The following GAPVD1 variants were observed in gnomAD, a reference collection of about 807,000 sequenced individuals.
GAPVD1 encodes GTPase-activating protein and VPS9 domain-containing protein 1.
GAPVD1 carries 35 observed loss-of-function variants against 155.5 expected under a neutral mutation model. The ratio of observed to expected loss-of-function variants is 0.23; its 90% CI spans 0.17 to 0.30. GAPVD1 has a LOEUF of 0.30. Among genes scored for constraint, GAPVD1 ranks in the 10% least tolerant of loss-of-function variants. The probability of loss-of-function intolerance (pLI) is 1.00; values close to 1 mark genes in which losing one functional copy is unlikely to be tolerated. For synonymous variants in GAPVD1, 636 were observed against 619.7 expected, an observed-to-expected ratio of 1.03 and a Z score of -0.39; for missense variants, 1,429 against 1,775.7, an observed-to-expected ratio of 0.80 and a Z score of 3.51.
intron 6 of GAPVD1, 96 bp from the exon 7 acceptor site, chr9:125,307,317 A>T: frequency 5.0e-5 from 36 of 724,628 alleles, no homozygotes; most frequent in Non-Finnish European, 7.2e-5. Context: ...GATTTTTAAG[A>T]TGTTTAAATT....
chr9:125,355,082 A>G (rs1217822960), intron 24 of GAPVD1, among the ~76,000 whole-genome samples: 1 of 152,174 alleles, frequency 6.6e-6, no homozygotes, highest in Non-Finnish European at 1.5e-5. Flanking sequence ...TTGGATCTAT[A>G]CAAATTTTCT....
chr9:125,265,924 T>TAA (rs1294990326), intron 1 of GAPVD1, among the ~76,000 whole-genome samples: 2 of 72,684 alleles, frequency 2.8e-5, no homozygotes, highest in Non-Finnish European at 5.8e-5. Flanking sequence ...AAAAAATTTA[T>TAA]AAAAAAAAAA....
chr9:125,346,443 G>A (rs539898748), intron 19 of GAPVD1: 4 of 270,950 alleles, frequency 1.5e-5, no homozygotes, highest in African/African-American at 6.6e-5. Flanking sequence ...GCATAGAGAT[G>A]TCTGAATAAA....
At chr9:125,309,102 T>G (rs1842290293) in intron 8 of GAPVD1, 1 of 152,172 alleles carries the variant, frequency 6.6e-6, no homozygotes, top group Non-Finnish European at 1.5e-5. Context: ...AATTTATGCA[T>G]TTTGAAGAGA....
rs779103041 is a variant in GAPVD1 at position 125,321,521 on chromosome 9, G to A, written c.1691G>A (p.Arg564His). 30 of 1,613,576 alleles carry A rather than the reference G, an allele frequency of 1.9e-5. No homozygotes were observed. Among genetic ancestry groups the A allele is most frequent in the South Asian group, 7.7e-5 (7 of 91,072 alleles). ...CATGGTAAACCTGATAAAACCTTGC[G>A]CTTTTCCCTCTGCAGTGATAATCTG... Reference protein sequence around the residue: ...KLHGKPDKTLRFSLCSDNLEG... With the variant: ...KLHGKPDKTLHFSLCSDNLEG... The change falls in exon 10 of 28, where the codon CGC becomes CAC. Residue 564 changes from arginine to histidine, a missense_variant. Transcript: ENST00000297933.
At chr9:125,335,023 A>AT (rs989024083) in intron 15 of GAPVD1, 123 of 487,542 alleles carry the variant, frequency 2.5e-4, no homozygotes, top group Admixed American at 5.5e-4. Flanking sequence ...AAGTTCATTG[A>AT]TTTGGTTTCA....
chr9:125,318,866 T>C (rs1214211740), intron 9 of GAPVD1, among the ~76,000 whole-genome samples: 1 of 151,452 alleles, frequency 6.6e-6, no homozygotes, highest in Non-Finnish European at 1.5e-5. Flanking sequence ...CTGGGCAACT[T>C]GGCGAGACCC....
intron 1 of GAPVD1, chr9:125,263,417 C>G (rs563526360): frequency 1.9e-5 from 9 of 482,544 alleles, no homozygotes; most frequent in South Asian, 1.8e-4. Context: ...CCACTGCACT[C>G]CAGCCTGGCA....
chr9:125,283,302 A>G (rs1837107192), intron 2 of GAPVD1, among the ~76,000 whole-genome samples: 1 of 151,858 alleles, frequency 6.6e-6, no homozygotes, highest in Non-Finnish European at 1.5e-5. Flanking sequence ...CAGATGATCC[A>G]TCCACCTCGG....
rs1459713098 is a variant in GAPVD1, at chr9:125,363,021, A to G, written c.*275A>G. On this transcript the variant is annotated 3_prime_UTR_variant, in exon 28 of 28. Transcript: ENST00000297933. The stretch of plus-strand genomic sequence containing the variant: ...GGACCACATTTTTCAAGTATTTCTA[A>G]GTATAAAAAACAAAACAAAAATCTC... 5.2e-6 allele frequency: 1 copy of G among 192,326 alleles called. No homozygotes were observed. Among genetic ancestry groups the G allele is most frequent in the Non-Finnish European group, 1.1e-5 (1 of 94,464 alleles). 11.9% of individuals were successfully genotyped at this position (192,326 alleles called of 1,614,324 possible).
rs1588461342 is a variant in GAPVD1, at chr9:125,263,674, C to T, written c.-199+1715C>T. ...CCCAGCCTCAGCTTTCTTGTCGGCA[C>T]TAAGTGGCACAGCACTCCATCTGTA... On this transcript the variant is annotated intron_variant, in intron 1 of 27. Transcript: ENST00000297933. The T allele has an allele frequency of 6.7e-6, 6 of 898,942 alleles. No individual in the cohort carries two copies. In the East Asian group the frequency reaches 1.2e-4, roughly 18 times the overall value. 55.7% of individuals were successfully genotyped at this position (898,942 alleles called of 1,614,324 possible).
intron 3 of GAPVD1, among the ~76,000 whole-genome samples, chr9:125,296,365 T>TTTTTGTTTTTTTG (rs1164149525): frequency 8.2e-5 from 12 of 146,606 alleles, no homozygotes; most frequent in Admixed American, 4.0e-4. Flanking sequence ...TAGGTTTTTT[T>TTTTTGTTTTTTTG]TTTTTTTTGA....
chr9:125,296,353 C>T, intron 3 of GAPVD1, among the ~76,000 whole-genome samples: 2 of 46,596 alleles, frequency 4.3e-5, no homozygotes, highest in African/African-American at 5.0e-4. Context: ...ACATATAGTT[C>T]TTAGGTTTTT....
chr9:125,296,358 G>GTTTTTTGTTTTGT (rs1839859329), intron 3 of GAPVD1, among the ~76,000 whole-genome samples: 1 of 121,756 alleles, frequency 8.2e-6, no homozygotes, highest in Non-Finnish European at 1.6e-5. Flanking sequence ...TAGTTCTTAG[G>GTTTTTTGTTTTGT]TTTTTTTTTT....
At chr9:125,297,645 G>C (rs543225229) in intron 3 of GAPVD1, among the ~76,000 whole-genome samples, 39 of 152,302 alleles carry the variant, frequency 2.6e-4, no homozygotes, top group Admixed American at 6.5e-5. Context: ...TGGAGAAGTA[G>C]CCAGGGGTAG....
intron 15 of GAPVD1, among the ~76,000 whole-genome samples, chr9:125,333,371 C>T (rs1278421827): frequency 2.0e-5 from 3 of 151,978 alleles, no homozygotes. Flanking sequence ...TGAGCCACCG[C>T]ACCCGGCCAG....
chr9:125,323,790 T>A lies in GAPVD1; in HGVS notation c.1733-8T>A. ...AAAAGATTGCTCACACTATAAACAT[T>A]TCTCTAGGTCCTTCAAATCGCTCCA... On this transcript the variant is annotated splice_region_variant and splice_polypyrimidine_tract_variant and intron_variant, in intron 10 of 27. Coordinates refer to ENST00000297933, the MANE Select transcript of GAPVD1 (RefSeq NM_001282680.3). 1 of 1,613,540 alleles carries A rather than the reference T, an allele frequency of 6.2e-7. No individual in the cohort carries two copies.
At chr9:125,281,450 A>AG (rs1305722108) in intron 2 of GAPVD1, among the ~76,000 whole-genome samples, 1 of 151,950 alleles carries the variant, frequency 6.6e-6, no homozygotes, top group Non-Finnish European at 1.5e-5. Flanking sequence ...TGCCCAACCT[A>AG]GAGTTTATTT....
rs761263845 is a variant in GAPVD1 at position 125,298,981 on chromosome 9, A to G, written c.60A>G (p.Val20=). 15 of 1,611,686 alleles carry G rather than the reference A, an allele frequency of 9.3e-6. No homozygotes were observed. The East Asian group carries it at 3.1e-4, about 34-fold the overall frequency. ...ACCTCAAGCAGGAACGCTTATATGTAAACTCTGAGAAACAGCTCATTCAGA... is the reference window on the plus strand; with the variant it reads ...ACCTCAAGCAGGAACGCTTATATGTGAACTCTGAGAAACAGCTCATTCAGA... ...AHHLKQERLY[V]NSEKQLIQRL... Residue 20 remains valine (V), a synonymous_variant, in exon 4 of 28, where the codon GTA becomes GTG. Coordinates refer to ENST00000297933, the MANE Select transcript of GAPVD1 (RefSeq NM_001282680.3).
Sources: allele counts gnomAD v4.1 joint callset (sites outside exome capture counted in the v4.1 genomes callset), GRCh38; gene constraint gnomAD v4.1.1; transcripts MANE v1.5; gene names NCBI Gene and HGNC (gene_info 2026-07-23, HGNC 2026-07-21).